The following DLG2 variants were observed in gnomAD, a reference collection of about 807,000 sequenced individuals.
DLG2 encodes the protein disks large homolog 2.
DLG2 carries 45 observed loss-of-function variants against 132.5 expected under a neutral mutation model. The observed-to-expected ratio is 0.34, with a 90% CI of 0.27 to 0.44. DLG2 has a LOEUF of 0.44. Ranked by LOEUF, DLG2 falls within the 20% of genes least tolerant of loss-of-function variation. DLG2 has a pLI of 1.00. For missense variants in DLG2, 1,045 were observed against 1,196.9 expected (o/e 0.87, Z 1.87); for synonymous variants, 424 against 419.6 (o/e 1.01, Z -0.13).
intron 3 of DLG2, among the ~76,000 whole-genome samples, chr11:85,323,792 A>G (rs2081249595): frequency 6.6e-6 from 1 of 152,224 alleles, no homozygotes; most frequent in Non-Finnish European, 1.5e-5. Context: ...ACTTAACATA[A>G]TGTCCTCCAG....
chr11:84,620,561 G>A (rs970836638), intron 6 of DLG2, among the ~76,000 whole-genome samples: 1 of 151,956 alleles, frequency 6.6e-6, no homozygotes, highest in Non-Finnish European at 1.5e-5. Context: ...ATAGGTGTAA[G>A]CACACAGCAA....
intron 15 of DLG2, among the ~76,000 whole-genome samples, chr11:83,876,036 AAAAGCATCGT>A (rs2064712865): frequency 6.6e-6 from 1 of 152,172 alleles, no homozygotes; most frequent in East Asian, 1.9e-4. Context: ...TGACTAGTTG[AAAAGCATCGT>A]AGTATTCAGG....
chr11:84,789,398 CTTTAT>C (rs908101027), intron 6 of DLG2, among the ~76,000 whole-genome samples: 2 of 151,930 alleles, frequency 1.3e-5, no homozygotes, highest in Non-Finnish European at 2.9e-5. Flanking sequence ...TAGGACAAAG[CTTTAT>C]TTTTTTTCCT....
At chr11:84,011,430 C>T (rs2094885146) in intron 11 of DLG2, among the ~76,000 whole-genome samples, 1 of 151,968 alleles carries the variant, frequency 6.6e-6, no homozygotes, top group Admixed American at 6.6e-5. Context: ...GTGACAGTAC[C>T]ACTGTATTCC....
At chr11:84,014,011 C>T (rs1435714958) in intron 11 of DLG2, among the ~76,000 whole-genome samples, 1 of 152,016 alleles carries the variant, frequency 6.6e-6, no homozygotes, top group East Asian at 1.9e-4. Context: ...CTTCACAATG[C>T]TCTGCAAACA....
chr11:85,270,571 G>C lies in DLG2; in HGVS notation c.186+14649C>G, dbSNP rs183254906. Among the ~76,000 whole-genome samples, 363 of 152,314 alleles carry C rather than the reference G, an allele frequency of 2.4e-3. 6 individuals are homozygous for C. The highest frequency in any genetic ancestry group is 0.02 in the Admixed American group (307 of 15,300). ...AGGTTGGAACAGTTTGGAGGGCTCA[G>C]AAGAAGAGAGGAAAATGTGGGAAAG... is the stretch of plus-strand genomic sequence containing the variant. On this transcript the variant is annotated intron_variant, in intron 4 of 27. Transcript: ENST00000376104.
intron 3 of DLG2, among the ~76,000 whole-genome samples, chr11:85,401,936 A>T (rs1356796465): frequency 6.6e-6 from 1 of 152,014 alleles, no homozygotes; most frequent in Non-Finnish European, 1.5e-5. Context: ...TATAGATTCA[A>T]TGCCATCCCC....
rs569247870 is a variant in DLG2 at position 84,847,107 on chromosome 11, T to A, written c.357+264554A>T. On this transcript the variant is annotated intron_variant, in intron 6 of 27. Coordinates refer to ENST00000376104, the MANE Select transcript of DLG2 (RefSeq NM_001142699.3). Reference sequence around the variant, plus strand: ...TAAATAGTTGTTATAAGTCATTATATCCACATAGCAATGAATAATCAAAAC... The same window carrying A: ...TAAATAGTTGTTATAAGTCATTATAACCACATAGCAATGAATAATCAAAAC... Among the ~76,000 whole-genome samples, 5 of 152,114 alleles carry A rather than the reference T, an allele frequency of 3.3e-5. No homozygotes were observed. The South Asian group carries it at 1.0e-3, about 31-fold the overall frequency.
chr11:83,494,105 C>T (rs1478167647), intron 21 of DLG2, among the ~76,000 whole-genome samples: 2 of 151,876 alleles, frequency 1.3e-5, no homozygotes, highest in Non-Finnish European at 2.9e-5. Flanking sequence ...TACTGTGGCT[C>T]CTGCCACCTG....
chr11:85,254,139 C>G (rs914967528), intron 4 of DLG2, among the ~76,000 whole-genome samples: 5 of 152,178 alleles, frequency 3.3e-5, no homozygotes, highest in African/African-American at 1.2e-4. Flanking sequence ...GGGACCTGCC[C>G]ACTTCTGCCA....
intron 4 of DLG2, among the ~76,000 whole-genome samples, chr11:85,227,139 T>C (rs1031088529): frequency 6.6e-6 from 1 of 151,970 alleles, no homozygotes; most frequent in African/African-American, 2.4e-5. Context: ...AAAAATAGCA[T>C]CTATGAAAGG....
chr11:84,350,741 T>C (rs2098561470), intron 7 of DLG2, among the ~76,000 whole-genome samples: 2 of 152,358 alleles, frequency 1.3e-5, no homozygotes, highest in Admixed American at 1.3e-4. Flanking sequence ...TGTTTTGCAC[T>C]GCAGGTATAA....
At chr11:85,037,076 G>A (rs886662608) in intron 6 of DLG2, among the ~76,000 whole-genome samples, 3 of 152,184 alleles carry the variant, frequency 2.0e-5, no homozygotes, top group African/African-American at 7.2e-5. Context: ...TCTGAAGGCT[G>A]TTGGCATCAC....
intron 11 of DLG2, among the ~76,000 whole-genome samples, chr11:84,051,016 T>C (rs897805691): frequency 6.6e-6 from 1 of 151,870 alleles, no homozygotes; most frequent in African/African-American, 2.4e-5. Flanking sequence ...AAAAGACACA[T>C]GAAAAAATGC....
At chr11:85,306,284 T>C (rs1216539519) in intron 3 of DLG2, among the ~76,000 whole-genome samples, 1 of 152,240 alleles carries the variant, frequency 6.6e-6, no homozygotes, top group Admixed American at 6.5e-5. Flanking sequence ...ACTTTCTATG[T>C]ACCTGCCACT....
At chr11:85,316,986 C>A (rs2080727318) in intron 3 of DLG2, among the ~76,000 whole-genome samples, 1 of 151,894 alleles carries the variant, frequency 6.6e-6, no homozygotes, top group Admixed American at 6.6e-5. Flanking sequence ...AACTGGGGAA[C>A]ATGACCTGTT....
At chr11:85,110,021 T>G (rs942440471) in intron 6 of DLG2, among the ~76,000 whole-genome samples, 1 of 152,044 alleles carries the variant, frequency 6.6e-6, no homozygotes, top group African/African-American at 2.4e-5. Context: ...ACTCCCAGAA[T>G]TTCTGCCATG....
At chr11:85,460,792 G>C (rs1203228330) in intron 3 of DLG2, among the ~76,000 whole-genome samples, 1 of 152,220 alleles carries the variant, frequency 6.6e-6, no homozygotes, top group Non-Finnish European at 1.5e-5. Context: ...GATCTTTGTA[G>C]AGCAAGTTCC....
At chr11:84,368,018 C>G (rs1287109883) in intron 7 of DLG2, among the ~76,000 whole-genome samples, 1 of 152,088 alleles carries the variant, frequency 6.6e-6, no homozygotes. Context: ...ATAGAAAAGG[C>G]AAGATCTCAG....
Sources: allele counts gnomAD v4.1 joint callset (sites outside exome capture counted in the v4.1 genomes callset), GRCh38; gene constraint gnomAD v4.1.1; transcripts MANE v1.5; gene names NCBI Gene and HGNC (gene_info 2026-07-23, HGNC 2026-07-21).